CTNNA2: variants seen among roughly 807,000 people sequenced by gnomAD.
CTNNA2 encodes the protein catenin alpha 2.
Under a neutral mutation model 101.0 loss-of-function variants are expected in CTNNA2, and 42 were observed. The observed-to-expected ratio is 0.42, with a 90% CI of 0.32 to 0.54. CTNNA2 has a LOEUF of 0.54. Ranked by LOEUF, CTNNA2 falls within the 20% of genes least tolerant of loss-of-function variation. The pLI, the probability that CTNNA2 is intolerant of heterozygous loss-of-function variation, is 0.14. For missense variants in CTNNA2, 871 were observed against 1,223.1 expected (o/e 0.71, Z 4.29); for synonymous variants, 450 against 456.4 (o/e 0.99, Z 0.18).
intron 9 of CTNNA2, among the ~76,000 whole-genome samples, chr2:80,484,108 C>T (rs1471917319): frequency 6.6e-6 from 1 of 151,764 alleles, no homozygotes; most frequent in Non-Finnish European, 1.5e-5. Context: ...AATAAAGTAC[C>T]ACCAAAGTAT....
At chr2:79,682,705 T>C (rs1324258532) in intron 2 of CTNNA2, among the ~76,000 whole-genome samples, 2 of 152,180 alleles carry the variant, frequency 1.3e-5, no homozygotes, top group African/African-American at 4.8e-5. Context: ...AAATTTTAAA[T>C]GGAGCTTATC....
intron 7 of CTNNA2, among the ~76,000 whole-genome samples, chr2:80,219,764 T>A (rs1708471912): frequency 6.6e-6 from 1 of 152,196 alleles, no homozygotes; most frequent in Non-Finnish European, 1.5e-5. Flanking sequence ...TTGTGTCCAT[T>A]ATTGATTCAT....
At chr2:79,928,888 T>G (rs1414619402) in intron 7 of CTNNA2, among the ~76,000 whole-genome samples, 1 of 152,166 alleles carries the variant, frequency 6.6e-6, no homozygotes, top group African/African-American at 2.4e-5. Context: ...TAAATATAAC[T>G]AAAAATAGTT....
At chr2:79,467,349 C>G (rs962409391) in intron 4 of CTNNA2, among the ~76,000 whole-genome samples, 1 of 152,144 alleles carries the variant, frequency 6.6e-6, no homozygotes, top group Admixed American at 6.5e-5. Context: ...AAGAAAGAAA[C>G]AAAACTTCCA....
chr2:79,792,820 C>G (rs544017381), intron 3 of CTNNA2, among the ~76,000 whole-genome samples: 2 of 152,284 alleles, frequency 1.3e-5, no homozygotes, highest in South Asian at 4.1e-4. Flanking sequence ...TGACACATTT[C>G]TGAAATCCAA....
intron 7 of CTNNA2, among the ~76,000 whole-genome samples, chr2:79,989,742 A>C (rs1187726022): frequency 6.6e-6 from 1 of 152,132 alleles, no homozygotes; most frequent in Non-Finnish European, 1.5e-5. Context: ...CTTCCTTATA[A>C]ATTTCTTTGT....
At chr2:79,383,563 T>A (rs1425853366) in intron 4 of CTNNA2, among the ~76,000 whole-genome samples, 2 of 152,150 alleles carry the variant, frequency 1.3e-5, no homozygotes, top group Non-Finnish European at 2.9e-5. Flanking sequence ...AGTATATACT[T>A]ACCTCCTAAT....
At chr2:79,712,880 A>G (rs1038766344) in intron 2 of CTNNA2, among the ~76,000 whole-genome samples, 4 of 152,184 alleles carry the variant, frequency 2.6e-5, no homozygotes, top group Admixed American at 2.6e-4. Context: ...TAAATTAAGT[A>G]TAGACCCAAA....
intron 2 of CTNNA2, among the ~76,000 whole-genome samples, chr2:79,209,532 G>A (rs187008943): frequency 1.4e-3 from 214 of 152,108 alleles, no homozygotes; most frequent in African/African-American, 4.8e-3. Context: ...GTTTATTCTT[G>A]TATCAGTGAG....
chr2:79,218,311 T>TGTG (rs1674293315), intron 2 of CTNNA2, among the ~76,000 whole-genome samples: 1 of 114,770 alleles, frequency 8.7e-6, no homozygotes, highest in African/African-American at 3.3e-5. Context: ...TTCATGAACT[T>TGTG]TGTGTGTGTG....
intron 7 of CTNNA2, among the ~76,000 whole-genome samples, chr2:80,161,287 A>T (rs1322007440): frequency 6.6e-6 from 1 of 152,138 alleles, no homozygotes; most frequent in Non-Finnish European, 1.5e-5. Flanking sequence ...AAGTGCTGGG[A>T]TTACAGGCGT....
intron 3 of CTNNA2, among the ~76,000 whole-genome samples, chr2:79,759,153 C>T (rs1056458666): frequency 6.6e-6 from 1 of 152,114 alleles, no homozygotes; most frequent in Admixed American, 6.6e-5. Flanking sequence ...TATGCCTACT[C>T]TTTTGTTGCC....
chr2:79,960,843 C>T (rs6752828), intron 7 of CTNNA2, among the ~76,000 whole-genome samples: 73,910 of 151,880 alleles, frequency 0.49, 18,595 homozygotes, highest in East Asian at 0.61. Flanking sequence ...CAGTATAAGT[C>T]GTTTCTCTGG....
intron 7 of CTNNA2, among the ~76,000 whole-genome samples, chr2:80,375,593 C>T (rs1292569171): frequency 1.9e-5 from 2 of 103,116 alleles, no homozygotes; most frequent in African/African-American, 8.4e-5. Flanking sequence ...GAGATGGAGT[C>T]TCACTCTGTT....
intron 1 of CTNNA2, among the ~76,000 whole-genome samples, chr2:79,554,661 A>G (rs1175506403): frequency 6.6e-6 from 1 of 152,166 alleles, no homozygotes; most frequent in Non-Finnish European, 1.5e-5. Flanking sequence ...AGTGAAAAAT[A>G]GATCATTAAG....
intron 3 of CTNNA2, among the ~76,000 whole-genome samples, chr2:79,847,606 C>G (rs1293617882): frequency 1.1e-5 from 1 of 87,602 alleles, no homozygotes; most frequent in Non-Finnish European, 2.4e-5. Context: ...CCTAGAAAGA[C>G]AAAGCGTTTT....
At chr2:80,122,178 A>C in intron 7 of CTNNA2, among the ~76,000 whole-genome samples, 2 of 147,516 alleles carry the variant, frequency 1.4e-5, no homozygotes, top group African/African-American at 2.5e-5. Flanking sequence ...TTCTCTCTCT[A>C]CTTCTCTCTC....
At chr2:79,651,912 G>C (rs368286309) in intron 2 of CTNNA2, among the ~76,000 whole-genome samples, 1 of 152,136 alleles carries the variant, frequency 6.6e-6, no homozygotes, top group Non-Finnish European at 1.5e-5. Flanking sequence ...GGTGAAGGGG[G>C]CCCTCATTTA....
chr2:80,313,382 A>C, intron 7 of CTNNA2: 1 of 1,349,098 alleles, frequency 7.4e-7, no homozygotes, highest in Non-Finnish European at 9.6e-7. Flanking sequence ...CCCGATGAGA[A>C]GCAGAGTTAG....
Sources: allele counts gnomAD v4.1 joint callset (sites outside exome capture counted in the v4.1 genomes callset), GRCh38; gene constraint gnomAD v4.1.1; transcripts MANE v1.5; gene names NCBI Gene and HGNC (gene_info 2026-07-23, HGNC 2026-07-21).